The following ENTPD7 variants were observed in gnomAD, a reference collection of about 807,000 sequenced individuals.
ENTPD7 encodes ectonucleoside triphosphate diphosphohydrolase 7.
Under a neutral mutation model 77.9 loss-of-function variants are expected in ENTPD7, and 53 were observed. The ratio of observed to expected loss-of-function variants is 0.68; its 90% CI spans 0.55 to 0.85. ENTPD7 has a LOEUF of 0.85. Ranked by LOEUF, ENTPD7 falls within the 40% of genes least tolerant of loss-of-function variation. The pLI, the probability that ENTPD7 is intolerant of heterozygous loss-of-function variation, is 0.00. For synonymous variants in ENTPD7, 248 were observed against 274.9 expected (o/e 0.90, Z 0.97); for missense variants, 636 against 743.7 (o/e 0.86, Z 1.68).
chr10:99,686,621 T>C (rs2035814742), intron 6 of ENTPD7, among the ~76,000 whole-genome samples: 1 of 152,134 alleles, frequency 6.6e-6, no homozygotes, highest in Non-Finnish European at 1.5e-5. Context: ...AGACCTTCTA[T>C]CTTTCCATTC....
intron 3 of ENTPD7, among the ~76,000 whole-genome samples, chr10:99,675,742 G>A (rs964828626): frequency 5.9e-5 from 9 of 151,590 alleles, no homozygotes; most frequent in Non-Finnish European, 8.8e-5. Context: ...GACTACAGGC[G>A]CCCGCCACCA....
At chr10:99,686,489 T>C (rs2035812408) in intron 6 of ENTPD7, among the ~76,000 whole-genome samples, 1 of 152,168 alleles carries the variant, frequency 6.6e-6, no homozygotes, top group Non-Finnish European at 1.5e-5. Context: ...GTCTTCTAAT[T>C]GCAGACATAT....
intron 5 of ENTPD7, among the ~76,000 whole-genome samples, chr10:99,680,217 A>G (rs1156293909): frequency 1.3e-5 from 2 of 152,082 alleles, no homozygotes; most frequent in African/African-American, 4.8e-5. Flanking sequence ...TAGGAACACT[A>G]CCTTTTCTGT....
At chr10:99,662,001 A>G (rs1411193955) in intron 3 of ENTPD7, among the ~76,000 whole-genome samples, 8 of 152,168 alleles carry the variant, frequency 5.3e-5, no homozygotes, top group African/African-American at 1.4e-4. Context: ...AGCTACTCCA[A>G]CTTTCTTTTG....
chr10:99,685,989 TTTTAA>T, intron 6 of ENTPD7, 94 bp downstream of exon 6: 2 of 755,770 alleles, frequency 2.6e-6, no homozygotes, highest in East Asian at 5.3e-5. Flanking sequence ...ATATATCGGA[TTTTAA>T]TTTTTCTGCC....
chr10:99,694,384 T>C (rs2035934246), intron 8 of ENTPD7, among the ~76,000 whole-genome samples: 1 of 152,202 alleles, frequency 6.6e-6, no homozygotes, highest in African/African-American at 2.4e-5. Flanking sequence ...TTTTAATGGC[T>C]AAACAGCATT....
chr10:99,696,227 C>G (rs2035974704), intron 9 of ENTPD7, 105 bp downstream of exon 9: 2 of 1,371,926 alleles, frequency 1.5e-6, no homozygotes, highest in East Asian at 4.8e-5. Context: ...CTGCTTCCTC[C>G]TTCTTTCTGA....
At chr10:99,695,930 C>T (rs1564634272) in intron 8 of ENTPD7, 26 bp from the exon 9 acceptor site, 3 of 1,571,998 alleles carry the variant, frequency 1.9e-6, no homozygotes, top group Admixed American at 3.9e-5. Context: ...CTAAAATTCC[C>T]TTTTTCTCTT....
rs2036247076 is a variant in ENTPD7, at chr10:99,706,117, A to G, written c.*1434A>G. The G allele has an allele frequency of 6.6e-6, 1 of 152,198 alleles. No homozygotes were observed. The highest frequency in any genetic ancestry group is 6.5e-5 in the Admixed American group (1 of 15,284). 9.4% of individuals were successfully genotyped at this position (152,198 alleles called of 1,614,324 possible). A position where few individuals can be genotyped will look rare whatever the true frequency, so the allele number is the denominator to read the frequency against. ...TAGGGGAAAAAGTCCCTGGCTTTAA[A>G]GAAAACAAAAGTAGAATTCTTCAAA... On this transcript the variant is annotated 3_prime_UTR_variant, in exon 13 of 13. Coordinates refer to ENST00000370489, the MANE Select transcript of ENTPD7 (RefSeq NM_020354.5).
At chr10:99,666,210 A>C (rs1452444859) in intron 3 of ENTPD7, among the ~76,000 whole-genome samples, 2 of 151,578 alleles carry the variant, frequency 1.3e-5, no homozygotes, top group Non-Finnish European at 2.9e-5. Context: ...ACTGCTTTTT[A>C]ATTTTTTTTT....
At chr10:99,668,409 G>A (rs2035578826) in intron 3 of ENTPD7, among the ~76,000 whole-genome samples, 1 of 152,158 alleles carries the variant, frequency 6.6e-6, no homozygotes, top group African/African-American at 2.4e-5. Context: ...GTATTGTGAG[G>A]TAAGGGAAAG....
At chr10:99,695,846 T>G in intron 8 of ENTPD7, 110 bp from the exon 9 acceptor site, 3 of 977,454 alleles carry the variant, frequency 3.1e-6, no homozygotes, top group Non-Finnish European at 4.4e-6. Context: ...ATGCTTAAGA[T>G]GTTTTAAAGA....
intron 6 of ENTPD7, among the ~76,000 whole-genome samples, 167 bp from the exon 7 acceptor site, chr10:99,688,526 GA>G (rs1240555280): frequency 1.3e-5 from 2 of 152,106 alleles, no homozygotes; most frequent in South Asian, 4.1e-4. Flanking sequence ...TTTTAAAAGG[GA>G]AAAAAATCAC....
chr10:99,704,447 C>T lies in ENTPD7; in HGVS notation c.1584-5C>T. The T allele has an allele frequency of 1.2e-6, 2 of 1,614,086 alleles. No homozygotes were observed. Reference sequence around the variant, plus strand: ...TCCACCTACAAATTCTTAATTCTTCCCTAGGGATCTTCGGCAGGAAGGTGT... The same window carrying T: ...TCCACCTACAAATTCTTAATTCTTCTCTAGGGATCTTCGGCAGGAAGGTGT... On this transcript the variant is annotated splice_polypyrimidine_tract_variant and splice_region_variant and intron_variant, in intron 12 of 12. Transcript: ENST00000370489.
Position 99,701,037 on chromosome 10 carries a change from A to G in ENTPD7, c.1400A>G (p.His467Arg). ...TTCAAGAATGGCCTCTTTTCATCAC[A>G]TGCAGATGAGCATCGACTCAAGTAA... ...QRFKNGLFSS[H>R]ADEHRLKYQC... Residue 467 changes from histidine (H) to arginine (R), a missense_variant, in exon 11 of 13, where the codon CAT becomes CGT. Physicochemically the swap from His to Arg is conservative, Grantham distance 29. Transcript: ENST00000370489. 2 of 1,614,056 alleles carry G rather than the reference A, an allele frequency of 1.2e-6. No homozygotes were observed. Among genetic ancestry groups the G allele is most frequent in the Non-Finnish European group, 8.5e-7 (1 of 1,179,922 alleles).
rs2036249889 is a variant in ENTPD7 at position 99,706,251 on chromosome 10, C to T, written c.*1568C>T. On this transcript the variant is annotated 3_prime_UTR_variant, in exon 13 of 13. Transcript: ENST00000370489. Reference sequence around the variant, plus strand: ...CTAAGATAAAAATAAGTATACTGACCCTTGGTTGGTAGATAAAAAGATGAC... The same window carrying T: ...CTAAGATAAAAATAAGTATACTGACTCTTGGTTGGTAGATAAAAAGATGAC... The T allele has an allele frequency of 1.3e-5, 2 of 151,716 alleles. No individual in the cohort carries two copies. The highest frequency in any genetic ancestry group is 4.2e-4 in the South Asian group (2 of 4,816). The allele number at this position is 151,716 out of a possible 1,614,324, so 9.4% of individuals were successfully genotyped here.
chr10:99,659,668 C>T lies in ENTPD7; in HGVS notation c.-96+80C>T, dbSNP rs2035451391. 2 of 311,816 alleles carry T rather than the reference C, an allele frequency of 6.4e-6. No individual in the cohort carries two copies. Among genetic ancestry groups the T allele is most frequent in the South Asian group, 6.4e-5 (1 of 15,730 alleles). The allele number at this position is 311,816 out of a possible 1,614,324, so 19.3% of individuals were successfully genotyped here. A position where few individuals can be genotyped will look rare whatever the true frequency, so the allele number is the denominator to read the frequency against. ...GGACCCACACCCCGCCACCTGGGGA[C>T]GACCGGTTCCTAGAGGACAGAGCTG... On this transcript the variant is annotated intron_variant, in intron 1 of 12. Coordinates refer to ENST00000370489, the MANE Select transcript of ENTPD7 (RefSeq NM_020354.5). This position sits in a 1 kb window ranked among gnomAD's most constrained non-coding sequence, Gnocchi z 4.1.
rs556797018 is a variant in ENTPD7 at position 99,707,658 on chromosome 10, T to C, written c.*2975T>C. Among the ~76,000 whole-genome samples the C allele has an allele frequency of 6.6e-6, 1 of 152,338 alleles. No individual in the cohort carries two copies. The highest frequency in any genetic ancestry group is 1.9e-4 in the East Asian group (1 of 5,196). ...TGAACTGTTTTAGGACTCTTGTTAT[T>C]ACTGAGACAGGTCACAAACATCAAA... On this transcript the variant is annotated 3_prime_UTR_variant, in exon 13 of 13. Coordinates refer to ENST00000370489, the MANE Select transcript of ENTPD7 (RefSeq NM_020354.5).
In ENTPD7 at chr10:99,680,627, C is replaced by T. The variant is rs375470804; in HGVS notation, c.548+752C>T. 2.2e-3 allele frequency among the ~76,000 whole-genome samples: 335 copies of T among 152,052 alleles called. 11 individuals carry two copies. The South Asian group carries it at 0.061, about 28-fold the overall frequency. On this transcript the variant is annotated intron_variant, in intron 5 of 12. Transcript: ENST00000370489. ...TTTAGAGACAGGGTCTGCTCTGTTG[C>T]CCAGGCTGGAGGGCAGTGGTGTGAT... is the stretch of plus-strand genomic sequence containing the variant.
Sources: allele counts gnomAD v4.1 joint callset (sites outside exome capture counted in the v4.1 genomes callset), GRCh38; gene constraint gnomAD v4.1.1; non-coding constraint Gnocchi (gnomAD v3.1); transcripts MANE v1.5; gene names NCBI Gene and HGNC (gene_info 2026-07-23, HGNC 2026-07-21).